The following TLK1 variants were observed in gnomAD, a reference collection of about 807,000 sequenced individuals.
TLK1 encodes tousled like kinase 1.
TLK1 carries 24 observed loss-of-function variants against 105.3 expected under a neutral mutation model. The observed-to-expected ratio is 0.23, with a 90% CI of 0.17 to 0.32. The LOEUF (loss-of-function observed/expected upper bound fraction) is 0.32. Among genes scored for constraint, TLK1 ranks in the 10% least tolerant of loss-of-function variants. The pLI is 1.00. For synonymous variants in TLK1, 321 were observed against 310.4 expected, an observed-to-expected ratio of 1.03 and a Z score of -0.36; for missense variants, 558 against 910.5, an observed-to-expected ratio of 0.61 and a Z score of 4.98.
chr2:171,047,459 C>T (rs1687016012), intron 10 of TLK1, among the ~76,000 whole-genome samples: 1 of 152,130 alleles, frequency 6.6e-6, no homozygotes, highest in Non-Finnish European at 1.5e-5. Flanking sequence ...GCAGAATTGA[C>T]CTTACACACA....
At chr2:171,011,659 C>T (rs1684922506) in intron 13 of TLK1, among the ~76,000 whole-genome samples, 1 of 152,168 alleles carries the variant, frequency 6.6e-6, no homozygotes, top group African/African-American at 2.4e-5. Context: ...TTGGCGCTCA[C>T]AAAACTTTTA....
At chr2:171,181,391 A>G (rs1212815264) in intron 1 of TLK1, among the ~76,000 whole-genome samples, 1 of 152,214 alleles carries the variant, frequency 6.6e-6, no homozygotes, top group Non-Finnish European at 1.5e-5. Flanking sequence ...TACATCCTAA[A>G]GCTTCCCTTC....
At chr2:171,048,567 T>C (rs1269898656) in intron 10 of TLK1, among the ~76,000 whole-genome samples, 1 of 39,108 alleles carries the variant, frequency 2.6e-5, no homozygotes, top group Non-Finnish European at 7.9e-5. Context: ...ACTGTAGATA[T>C]CATTCCGATC....
intron 1 of TLK1, among the ~76,000 whole-genome samples, chr2:171,230,490 T>A (rs1693976034): frequency 6.6e-6 from 1 of 152,128 alleles, no homozygotes; most frequent in South Asian, 2.1e-4. Flanking sequence ...CGCAAGAGAA[T>A]ACAGTTTCTT....
intron 2 of TLK1, among the ~76,000 whole-genome samples, chr2:171,086,924 G>T (rs965115329): frequency 1.3e-5 from 2 of 152,186 alleles, no homozygotes; most frequent in Admixed American, 6.5e-5. Flanking sequence ...TGGCTGGTCA[G>T]TGATCTATGC....
At chr2:171,196,123 T>G (rs1693270468) in intron 1 of TLK1, among the ~76,000 whole-genome samples, 1 of 67,340 alleles carries the variant, frequency 1.5e-5, no homozygotes, top group African/African-American at 3.8e-5. Flanking sequence ...TTGTAGCTGG[T>G]TTTTTTTTTT....
chr2:171,051,927 C>A (rs945743369), intron 8 of TLK1, among the ~76,000 whole-genome samples: 6 of 152,014 alleles, frequency 3.9e-5, no homozygotes, highest in South Asian at 2.1e-4. Context: ...GAAATGAAAC[C>A]CTACATCATG....
intron 3 of TLK1, among the ~76,000 whole-genome samples, chr2:171,068,228 T>C (rs1168256431): frequency 2.6e-5 from 4 of 151,826 alleles, no homozygotes; most frequent in Middle Eastern, 3.4e-3. Context: ...ACTCGGGAGG[T>C]TGAGGCGGGA....
chr2:171,067,122 T>G, intron 3 of TLK1: 1 of 731,720 alleles, frequency 1.4e-6, no homozygotes, highest in Non-Finnish European at 2.0e-6. Context: ...TACATACTTT[T>G]AAATGTAAAT....
chr2:171,045,268 C>G (rs1686899513), intron 11 of TLK1: 1 of 148,582 alleles, frequency 6.7e-6, no homozygotes, highest in East Asian at 1.9e-4. Flanking sequence ...TCACTCTTGT[C>G]CCCCAGGCTA....
intron 2 of TLK1, among the ~76,000 whole-genome samples, chr2:171,109,757 A>G (rs567565735): frequency 1.1e-4 from 17 of 152,364 alleles, no homozygotes; most frequent in Non-Finnish European, 2.5e-4. Context: ...TACTAAATGC[A>G]TAACTGTGGT....
At chr2:171,055,203 CAAAAAAA>C (rs71399594) in intron 6 of TLK1, 31 bp from the exon 7 acceptor site, 3 of 516,138 alleles carry the variant, frequency 5.8e-6, no homozygotes, top group South Asian at 5.0e-5. Context: ...TTTATATTAG[CAAAAAAA>C]AAAAAAAAAA....
At chr2:171,028,191 C>A in intron 12 of TLK1, 148 bp downstream of exon 12, 1 of 641,284 alleles carries the variant, frequency 1.6e-6, no homozygotes, top group Non-Finnish European at 2.8e-6. Context: ...AATAAAGTAA[C>A]TTTAATGCAT....
intron 2 of TLK1, among the ~76,000 whole-genome samples, chr2:171,098,222 T>G (rs1689534627): frequency 6.6e-6 from 1 of 152,106 alleles, no homozygotes; most frequent in Non-Finnish European, 1.5e-5. Flanking sequence ...ACCGTACACT[T>G]GAAATTTGCT....
In TLK1 at chr2:171,178,136, CA is replaced by C. The variant is rs1354822372; in HGVS notation, c.-6+53008del. Reference sequence around the variant, plus strand: ...TGCTTACTATATGCTAGGTTCTATACAGAGTGTTTAAATGCATTATCTAATA... The same window carrying C: ...TGCTTACTATATGCTAGGTTCTATACGAGTGTTTAAATGCATTATCTAATA... On this transcript the variant is annotated intron_variant, in intron 1 of 20. Coordinates refer to the TLK1 transcript ENST00000521943. Among the ~76,000 whole-genome samples the C allele has an allele frequency of 7.9e-5, 12 of 152,168 alleles. 1 individual carries two copies. The highest frequency in any genetic ancestry group is 2.9e-4 in the African/African-American group (12 of 41,454).
chr2:171,064,338 T>C (rs1687892793), intron 3 of TLK1, among the ~76,000 whole-genome samples: 1 of 152,164 alleles, frequency 6.6e-6, no homozygotes, highest in Admixed American at 6.5e-5. Flanking sequence ...GCATCTCCTA[T>C]TTTAATATTG....
chr2:171,182,095 G>A (rs1403951068), intron 1 of TLK1, among the ~76,000 whole-genome samples: 1 of 152,196 alleles, frequency 6.6e-6, no homozygotes, highest in Non-Finnish European at 1.5e-5. Context: ...GAATGCTAGT[G>A]ATGACTATCT....
chr2:170,993,194 G>A lies in TLK1; in HGVS notation c.*586C>T, dbSNP rs927297138. On this transcript the variant is annotated 3_prime_UTR_variant, in exon 21 of 21. Transcript: ENST00000431350. The stretch of plus-strand genomic sequence containing the variant: ...TCGAGGTACAACTTGGTAAAAGTCT[G>A]AATAGGCAAATGACAAAGCCTAACT... The A allele has an allele frequency of 2.6e-5, 4 of 152,552 alleles. No individual in the cohort carries two copies. In the East Asian group the frequency reaches 7.7e-4, roughly 29 times the overall value. The allele number at this position is 152,552 out of a possible 1,614,324, so 9.4% of individuals were successfully genotyped here.
chr2:171,192,677 C>T (rs1693178449), intron 1 of TLK1, among the ~76,000 whole-genome samples: 1 of 149,268 alleles, frequency 6.7e-6, no homozygotes, highest in Non-Finnish European at 1.5e-5. Flanking sequence ...GAGACTCCAT[C>T]CAAAAAAATA....
Sources: gnomAD v4.1 joint callset for allele counts (sites outside exome capture counted in the v4.1 genomes callset) on GRCh38, gnomAD v4.1.1 for gene constraint, MANE v1.5 for transcripts, NCBI Gene and HGNC (gene_info 2026-07-23, HGNC 2026-07-21) for gene names.